The following TAOK1 variants were observed in gnomAD, a reference collection of about 807,000 sequenced individuals.
TAOK1 encodes the protein serine/threonine-protein kinase TAO1.
In TAOK1, 21 loss-of-function variants were observed where a neutral mutation model predicts 138.3. That is an observed-to-expected ratio of 0.15 (90% CI 0.11 to 0.22). The LOEUF is 0.22. TAOK1 is among the 10% of genes least tolerant of loss of function. The pLI is 1.00. For missense variants in TAOK1, 651 were observed against 1,227.7 expected, an observed-to-expected ratio of 0.53 and a Z score of 7.02; for synonymous variants, 361 against 398.4, an observed-to-expected ratio of 0.91 and a Z score of 1.12.
intron 2 of TAOK1, among the ~76,000 whole-genome samples, chr17:29,459,648 T>C (rs559298315): frequency 7.2e-5 from 11 of 152,226 alleles, no homozygotes; most frequent in Non-Finnish European, 1.0e-4. Context: ...TATTTGTCTG[T>C]TGGTGGACAC....
intron 16 of TAOK1, 42 bp downstream of exon 16, chr17:29,517,698 G>T (rs200518389): frequency 1.9e-6 from 3 of 1,550,186 alleles, no homozygotes; most frequent in African/African-American, 2.7e-5. Context: ...TTTATCAAAA[G>T]AATCTTTCCT....
chr17:29,536,700 CT>C (rs547178969), intron 19 of TAOK1, among the ~76,000 whole-genome samples: 45,512 of 128,208 alleles, frequency 0.35, 6,592 homozygotes, highest in Middle Eastern at 0.43. Context: ...GTCATTCAAA[CT>C]TTTTTTTTTT....
rs898812387 is a variant in TAOK1 at position 29,502,443 on chromosome 17, A to C, written c.1204-146A>C. The C allele has an allele frequency of 4.5e-5, 39 of 869,226 alleles. No individual in the cohort carries two copies. The African/African-American group carries it at 6.2e-4, about 14-fold the overall frequency. The allele number at this position is 869,226 out of a possible 1,614,324, so 53.8% of individuals were successfully genotyped here. On this transcript the variant is annotated intron_variant, in intron 12 of 19. Transcript: ENST00000261716. ...AGACCCTGTTTCTAAAGAAAAAAGA[A>C]GACCAGCATTTCTACTTTTTGGCTT...
At position 29,390,775 on chromosome 17, in the gene TAOK1, A is replaced by G. The variant is rs1434267848; in HGVS notation, c.-344A>G. Reference sequence around the variant, plus strand: ...CCCGGCACTTCCCCGCGCCATCTTAACTGAGCCCAAGCGCTGAGGGCGCCT... The same window carrying G: ...CCCGGCACTTCCCCGCGCCATCTTAGCTGAGCCCAAGCGCTGAGGGCGCCT... On this transcript the variant is annotated 5_prime_UTR_variant, in exon 1 of 20. Coordinates refer to ENST00000261716, the MANE Select transcript of TAOK1 (RefSeq NM_020791.4). 2 of 149,910 alleles carry G rather than the reference A, an allele frequency of 1.3e-5. No homozygotes were observed. Among genetic ancestry groups the G allele is most frequent in the African/African-American group, 5.0e-5 (2 of 40,352 alleles). 9.3% of individuals were successfully genotyped at this position (149,910 alleles called of 1,614,324 possible). A position where few individuals can be genotyped will look rare whatever the true frequency, so the allele number is the denominator to read the frequency against.
chr17:29,466,873 A>G (rs1167078999), intron 2 of TAOK1, among the ~76,000 whole-genome samples: 2 of 152,178 alleles, frequency 1.3e-5, no homozygotes, highest in Non-Finnish European at 2.9e-5. Flanking sequence ...TGTTTATAGT[A>G]CTACTCAAAT....
intron 17 of TAOK1, among the ~76,000 whole-genome samples, chr17:29,529,968 A>C (rs1332544323): frequency 6.6e-6 from 1 of 152,012 alleles, no homozygotes; most frequent in Non-Finnish European, 1.5e-5. Flanking sequence ...TTGAGGCTAC[A>C]GTAAGCAATG....
rs79930963 is a variant in TAOK1, at chr17:29,429,350, A to G, written c.-94-22105A>G. 4.9e-4 allele frequency among the ~76,000 whole-genome samples: 74 copies of G among 151,886 alleles called. 1 individual carries two copies. The East Asian group carries it at 0.013, about 27-fold the overall frequency. ...CACTCTGTCCCCCACACTGGGGGAC[A>G]CTACACCCTCCATCTCCTGGGTTCA... On this transcript the variant is annotated intron_variant, in intron 1 of 19. Transcript: ENST00000261716.
At chr17:29,534,511 A>G (rs983724058) in intron 19 of TAOK1, among the ~76,000 whole-genome samples, 6 of 152,262 alleles carry the variant, frequency 3.9e-5, no homozygotes, top group Non-Finnish European at 7.3e-5. Flanking sequence ...TCAAGGGAAT[A>G]TAATTAAGTA....
intron 2 of TAOK1, among the ~76,000 whole-genome samples, chr17:29,459,939 A>G (rs2030493544): frequency 6.6e-6 from 1 of 152,102 alleles, no homozygotes; most frequent in Non-Finnish European, 1.5e-5. Flanking sequence ...GGCTTTTCAT[A>G]TATCCTTCTG....
chr17:29,413,575 G>A (rs1449725149), intron 1 of TAOK1, among the ~76,000 whole-genome samples: 1 of 152,102 alleles, frequency 6.6e-6, no homozygotes, highest in African/African-American at 2.4e-5. Context: ...CAGCCTGGGT[G>A]ACAGAGTGAG....
At chr17:29,508,446 A>G (rs2031664459) in intron 14 of TAOK1, among the ~76,000 whole-genome samples, 1 of 152,136 alleles carries the variant, frequency 6.6e-6, no homozygotes, top group Non-Finnish European at 1.5e-5. Context: ...TGAAAAATTG[A>G]TGTGTTTTAA....
chr17:29,397,624 A>ATG (rs1567706659), intron 1 of TAOK1, among the ~76,000 whole-genome samples: 2 of 47,150 alleles, frequency 4.2e-5, no homozygotes. Context: ...ATATATATAT[A>ATG]TATATACATG....
intron 1 of TAOK1, among the ~76,000 whole-genome samples, chr17:29,394,818 G>C (rs1433739303): frequency 6.6e-6 from 1 of 152,330 alleles, no homozygotes; most frequent in Non-Finnish European, 1.5e-5. Context: ...TTCTGGGCTG[G>C]GCAAAGTGGC....
intron 1 of TAOK1, among the ~76,000 whole-genome samples, chr17:29,420,554 T>C (rs372782029): frequency 1.3e-5 from 2 of 151,282 alleles, no homozygotes; most frequent in East Asian, 3.9e-4. Context: ...CCTTGTCTTA[T>C]TCCCTATCTT....
intron 12 of TAOK1, among the ~76,000 whole-genome samples, chr17:29,499,814 GC>G (rs1272947008): frequency 6.6e-6 from 1 of 151,966 alleles, no homozygotes; most frequent in Non-Finnish European, 1.5e-5. Context: ...ACCTGCATTG[GC>G]CTCCCAAAGT....
chr17:29,465,381 A>G (rs921850315), intron 2 of TAOK1, among the ~76,000 whole-genome samples: 1 of 150,548 alleles, frequency 6.6e-6, no homozygotes, highest in Admixed American at 6.6e-5. Flanking sequence ...CGGACTCCTG[A>G]CCTCGCAATC....
intron 14 of TAOK1, among the ~76,000 whole-genome samples, chr17:29,510,112 C>T (rs1021845366): frequency 4.0e-5 from 6 of 151,362 alleles, no homozygotes; most frequent in East Asian, 2.0e-4. Context: ...CATGGTGGCT[C>T]ACGCCTGTAA....
intron 1 of TAOK1, among the ~76,000 whole-genome samples, chr17:29,437,734 C>T (rs1282179333): frequency 4.0e-5 from 5 of 124,188 alleles, no homozygotes; most frequent in Admixed American, 9.1e-5. Flanking sequence ...TTATATTCTT[C>T]TTTTTTTTTT....
At chr17:29,458,604 C>G (rs536031342) in intron 2 of TAOK1, among the ~76,000 whole-genome samples, 15 of 152,206 alleles carry the variant, frequency 9.9e-5, no homozygotes, top group Non-Finnish European at 1.8e-4. Flanking sequence ...TCAAGTGATA[C>G]TCGTGTCTCA....
Sources: allele counts gnomAD v4.1 joint callset (sites outside exome capture counted in the v4.1 genomes callset), GRCh38; gene constraint gnomAD v4.1.1; transcripts MANE v1.5; gene names NCBI Gene and HGNC (gene_info 2026-07-23, HGNC 2026-07-21).